The following NOVA1 variants were observed in gnomAD, a reference collection of about 807,000 sequenced individuals.
NOVA1 encodes the protein NOVA alternative splicing regulator 1.
A neutral mutation model predicts 38.0 loss-of-function variants in NOVA1; 7 were observed. The observed-to-expected ratio is 0.18, with a 90% CI of 0.10 to 0.35. NOVA1 has a LOEUF of 0.35. NOVA1 is among the 10% of genes least tolerant of loss of function. NOVA1 has a pLI of 1.00. For synonymous variants in NOVA1, 270 were observed against 232.5 expected (o/e 1.16, Z -1.47); for missense variants, 460 against 616.0 (o/e 0.75, Z 2.68).
chr14:26,541,610 T>C (rs1335163195), intron 2 of NOVA1, among the ~76,000 whole-genome samples: 2 of 149,492 alleles, frequency 1.3e-5, no homozygotes, highest in African/African-American at 4.9e-5. Flanking sequence ...TCCCCGAGTA[T>C]GCTTTCAAAA....
At chr14:26,466,317 AG>A (rs1450744429) in intron 4 of NOVA1, among the ~76,000 whole-genome samples, 1 of 152,322 alleles carries the variant, frequency 6.6e-6, no homozygotes, top group African/African-American at 2.4e-5. Context: ...AAACTATTTC[AG>A]GTGGCAGCAA....
chr14:26,496,952 G>C (rs1234446631), intron 2 of NOVA1, among the ~76,000 whole-genome samples: 1 of 152,086 alleles, frequency 6.6e-6, no homozygotes, highest in Non-Finnish European at 1.5e-5. Flanking sequence ...TGTTCTTTTG[G>C]CTTAGGATTG....
intron 2 of NOVA1, among the ~76,000 whole-genome samples, chr14:26,484,427 CGAAA>C (rs1204526874): frequency 9.8e-5 from 5 of 51,230 alleles, no homozygotes; most frequent in African/African-American, 4.3e-4. Context: ...GACTCCGTCT[CGAAA>C]AAAAAAAAAA....
chr14:26,472,217 T>C (rs1050557501), intron 4 of NOVA1, 103 bp downstream of exon 4: 1 of 731,678 alleles, frequency 1.4e-6, no homozygotes, highest in African/African-American at 1.7e-5. Flanking sequence ...GGTGCATATA[T>C]GTGAATGAAC....
chr14:26,528,855 C>T (rs1236998595), intron 2 of NOVA1, among the ~76,000 whole-genome samples: 2 of 152,174 alleles, frequency 1.3e-5, no homozygotes, highest in Non-Finnish European at 2.9e-5. Context: ...ATATTCTTCA[C>T]ATATTAAAGC....
intron 2 of NOVA1, among the ~76,000 whole-genome samples, chr14:26,493,151 T>C (rs1012863037): frequency 6.6e-6 from 1 of 152,230 alleles, no homozygotes; most frequent in African/African-American, 2.4e-5. Flanking sequence ...TTAATTATTA[T>C]AGAATTATAA....
intron 2 of NOVA1, among the ~76,000 whole-genome samples, chr14:26,530,298 A>C (rs1889615441): frequency 6.6e-6 from 1 of 152,228 alleles, no homozygotes; most frequent in Non-Finnish European, 1.5e-5. Flanking sequence ...TGCATGCTTG[A>C]AAAATAAGTT....
intron 2 of NOVA1, among the ~76,000 whole-genome samples, chr14:26,496,507 AT>A (rs1252449346): frequency 6.6e-6 from 1 of 151,732 alleles, no homozygotes; most frequent in Non-Finnish European, 1.5e-5. Context: ...ATTAGATCCC[AT>A]TTGTCAATTT....
At chr14:26,551,154 A>G (rs1007943538) in intron 2 of NOVA1, among the ~76,000 whole-genome samples, 1 of 152,028 alleles carries the variant, frequency 6.6e-6, no homozygotes, top group Non-Finnish European at 1.5e-5. Context: ...GTAACCTCTC[A>G]TGTAGTTTAA....
intron 2 of NOVA1, among the ~76,000 whole-genome samples, chr14:26,528,061 G>T (rs1330784751): frequency 1.3e-5 from 2 of 152,126 alleles, no homozygotes; most frequent in African/African-American, 4.8e-5. Flanking sequence ...CAGCTAAACA[G>T]AATGTTTAAT....
chr14:26,504,778 A>T (rs1887505468), intron 2 of NOVA1, among the ~76,000 whole-genome samples: 1 of 20,016 alleles, frequency 5.0e-5, no homozygotes, highest in South Asian at 0.012. Flanking sequence ...ACAGTAAGTT[A>T]AAAAAAAAAA....
chr14:26,490,052 T>C (rs982745270), intron 2 of NOVA1, among the ~76,000 whole-genome samples: 3 of 152,186 alleles, frequency 2.0e-5, no homozygotes, highest in Non-Finnish European at 4.4e-5. Context: ...TTACCTCTAA[T>C]CTACTTTTTG....
Position 26,443,930 on chromosome 14 carries a change from G to A in NOVA1, c.*4029C>T, listed in dbSNP as rs1881876989. On this transcript the variant is annotated 3_prime_UTR_variant, in exon 5 of 5. Transcript: ENST00000539517. ...GTCTCAAATAGTGCCTGTGATGTAAGGGGTATTAAATTATATTTTCATCTC... is the reference window on the plus strand; with the variant it reads ...GTCTCAAATAGTGCCTGTGATGTAAAGGGTATTAAATTATATTTTCATCTC... 1 of 152,018 alleles carries A rather than the reference G, an allele frequency of 6.6e-6. No individual in the cohort carries two copies. Among genetic ancestry groups the A allele is most frequent in the Non-Finnish European group, 1.5e-5 (1 of 67,982 alleles). 9.4% of individuals were successfully genotyped at this position (152,018 alleles called of 1,614,324 possible). A position where few individuals can be genotyped will look rare whatever the true frequency, so the allele number is the denominator to read the frequency against.
Position 26,496,569 on chromosome 14 carries a change from A to G in NOVA1, c.281-16426T>C, listed in dbSNP as rs563599726. Among the ~76,000 whole-genome samples the G allele has an allele frequency of 5.3e-5, 8 of 152,238 alleles. No homozygotes were observed. In the East Asian group the frequency reaches 1.5e-3, roughly 29 times the overall value. On this transcript the variant is annotated intron_variant, in intron 2 of 4. Transcript: ENST00000539517. Reference sequence around the variant, plus strand: ...TGTTTTAGACATGAAGTCCTTGCCCATGCCTATGTCCTGAATGGTAATGCC... The same window carrying G: ...TGTTTTAGACATGAAGTCCTTGCCCGTGCCTATGTCCTGAATGGTAATGCC...
At chr14:26,510,546 G>A (rs1409618295) in intron 2 of NOVA1, among the ~76,000 whole-genome samples, 1 of 152,168 alleles carries the variant, frequency 6.6e-6, no homozygotes, top group Non-Finnish European at 1.5e-5. Context: ...ATACTTTGTA[G>A]AGAGAAAATG....
At chr14:26,550,540 T>G (rs1891095561) in intron 2 of NOVA1, among the ~76,000 whole-genome samples, 1 of 152,164 alleles carries the variant, frequency 6.6e-6, no homozygotes, top group Admixed American at 6.5e-5. Context: ...ATTCTGCTTT[T>G]ACTACAACAA....
intron 2 of NOVA1, among the ~76,000 whole-genome samples, chr14:26,590,992 T>TACA (rs1893810488): frequency 6.6e-6 from 1 of 151,772 alleles, no homozygotes; most frequent in Admixed American, 6.6e-5. Context: ...AAATTTTTAG[T>TACA]GCTAATTCAT....
chr14:26,466,253 T>C (rs1301913023), intron 4 of NOVA1, among the ~76,000 whole-genome samples: 1 of 152,198 alleles, frequency 6.6e-6, no homozygotes, highest in Non-Finnish European at 1.5e-5. Flanking sequence ...GGCCTTTTCT[T>C]ATAAGTTAAC....
At chr14:26,523,972 C>T (rs1287767430) in intron 2 of NOVA1, among the ~76,000 whole-genome samples, 3 of 151,966 alleles carry the variant, frequency 2.0e-5, no homozygotes, top group African/African-American at 7.3e-5. Context: ...GGGATGGCCT[C>T]GATCTCCTGA....
Sources: allele counts gnomAD v4.1 joint callset (sites outside exome capture counted in the v4.1 genomes callset), GRCh38; gene constraint gnomAD v4.1.1; transcripts MANE v1.5; gene names NCBI Gene and HGNC (gene_info 2026-07-23, HGNC 2026-07-21).